The following GMIP variants were observed in gnomAD, a reference collection of about 807,000 sequenced individuals.
GMIP encodes the protein GEM-interacting protein.
GMIP carries 54 observed loss-of-function variants against 105.3 expected under a neutral mutation model. The ratio of observed to expected loss-of-function variants is 0.51; its 90% CI spans 0.41 to 0.64. The LOEUF is 0.64. GMIP is among the 30% of genes least tolerant of loss of function. The pLI is 0.00. For synonymous variants in GMIP, 541 were observed against 560.8 expected, an observed-to-expected ratio of 0.96 and a Z score of 0.50; for missense variants, 1,110 against 1,319.4, an observed-to-expected ratio of 0.84 and a Z score of 2.46.
In GMIP at chr19:19,638,000, GCTGCCGCGCGTTGGC is replaced by G. The variant is rs2061874092; in HGVS notation, c.832_846del (p.Ala278_Gln282del). ...CGCTGCTTGGCGATCTCCAGGTCCT[GCTGCCGCGCGTTGGC>G]CTCGCGGACACAGGCCTGGTACAGC... On this transcript the variant is annotated inframe_deletion, in exon 10 of 21. Transcript: ENST00000203556. The surrounding 1 kb of genome is among the most constrained non-coding windows in gnomAD (Gnocchi z 6.7). 1 of 1,610,106 alleles carries G rather than the reference GCTGCCGCGCGTTGGC, an allele frequency of 6.2e-7. No homozygotes were observed. Among genetic ancestry groups the G allele is most frequent in the Non-Finnish European group, 8.5e-7 (1 of 1,178,890 alleles).
chr19:19,636,868 G>A, intron 12 of GMIP, 49 bp downstream of exon 12: 1 of 1,557,184 alleles, frequency 6.4e-7, no homozygotes, highest in Non-Finnish European at 8.8e-7. Context: ...CTATGTGTTG[G>A]TGGAACGAAC....
In GMIP at chr19:19,637,386, T is replaced by C; in HGVS notation, c.1103A>G (p.Glu368Gly). ...PPPPPAFSFQ[E>G]FLPSLNSSPL... ...CCACCTGTTCAAGGAGGGAAGGAAC[T>C]CCTGGAAGGAGAAGGCGGGCGGCGG... The change falls in exon 11 of 21, where the codon GAG becomes GGG. Residue 368 changes from glutamate (E) to glycine (G), a missense_variant. Physicochemically the swap from Glu to Gly is moderately conservative, Grantham distance 98. Transcript: ENST00000203556. The surrounding 1 kb of genome is among the most constrained non-coding windows in gnomAD (Gnocchi z 6.7). 6.6e-7 allele frequency: 1 copy of C among 1,507,574 alleles called. No individual in the cohort carries two copies. Among genetic ancestry groups the C allele is most frequent in the African/African-American group, 1.4e-5 (1 of 69,564 alleles). The allele number at this position is 1,507,574 out of a possible 1,614,324, so 93.4% of individuals were successfully genotyped here.
Position 19,643,497 on chromosome 19 carries a change from C to A in GMIP, c.19+14G>T, listed in dbSNP as rs1016846639. On this transcript the variant is annotated intron_variant, in intron 1 of 20. Transcript: ENST00000203556. ...TGGTCGGGGGAGGCCCCTCCCGGAT[C>A]CCCGACCCCCTACCCGGCTCTGCTG... 5 of 1,546,022 alleles carry A rather than the reference C, an allele frequency of 3.2e-6. No homozygotes were observed. The highest frequency in any genetic ancestry group is 1.2e-5 in the South Asian group (1 of 83,680).
In GMIP at chr19:19,630,317, C is replaced by T; in HGVS notation, c.2559G>A (p.Glu853=). ...GAGACTGTGTCCCCAGGAGTGAGTC[C>T]TCTGGGCCTTGGCTGGACACTGTGT... ...GGGEVSSQGP[E]DSLLGTQSRG... is the part of the protein sequence containing the mutation. The change falls in exon 21 of 21, where the codon GAG becomes GAA. Residue 853 remains glutamate (E), a synonymous_variant. Coordinates refer to ENST00000203556, the MANE Select transcript of GMIP (RefSeq NM_016573.4). The surrounding 1 kb of genome is among the most constrained non-coding windows in gnomAD (Gnocchi z 4.8). The T allele has an allele frequency of 6.5e-7, 1 of 1,540,202 alleles. No homozygotes were observed. Among genetic ancestry groups the T allele is most frequent in the Non-Finnish European group, 8.8e-7 (1 of 1,142,600 alleles).
intron 19 of GMIP, 134 bp downstream of exon 19, chr19:19,633,669 T>A: frequency 1.6e-6 from 1 of 623,280 alleles, no homozygotes; most frequent in Non-Finnish European, 2.5e-6. Context: ...CCTTCCAGAA[T>A]GAACATAAGT....
Position 19,634,030 on chromosome 19 carries a change from G to A in GMIP, c.2245C>T (p.Leu749Phe), listed in dbSNP as rs769584795. ...SGHQAQLVEF[L>F]IVHYEQIFGM... The stretch of plus-strand genomic sequence containing the variant: ...AAGATCTGCTCGTAGTGCACGATGA[G>A]GAACTCCACAAGCTGGGCCTGATGC... Residue 749 changes from leucine to phenylalanine, a missense_variant, in exon 19 of 21, where the codon CTC becomes TTC. Leu to Phe is a conservative substitution (Grantham distance 22). Coordinates refer to ENST00000203556, the MANE Select transcript of GMIP (RefSeq NM_016573.4). This position sits in a 1 kb window ranked among gnomAD's most constrained non-coding sequence, Gnocchi z 6.1. 78 of 1,613,350 alleles carry A rather than the reference G, an allele frequency of 4.8e-5. No individual in the cohort carries two copies. The highest frequency in any genetic ancestry group is 6.4e-5 in the Non-Finnish European group (75 of 1,179,698).
In GMIP at chr19:19,634,128, G is replaced by A. The variant is rs1346061091; in HGVS notation, c.2147C>T (p.Pro716Leu). The A allele has an allele frequency of 6.2e-7, 1 of 1,611,890 alleles. No homozygotes were observed. Among genetic ancestry groups the A allele is most frequent in the South Asian group, 1.1e-5 (1 of 90,946 alleles). Residue 716 changes from proline (P) to leucine (L), a missense_variant, in exon 19 of 21, where the codon CCG becomes CTG. Around this residue, in one of 3 missense-constraint regions of GMIP, gnomAD observed 394 missense variants for 450.5 expected, o/e 0.87. Transcript: ENST00000203556. The surrounding 1 kb of genome is among the most constrained non-coding windows in gnomAD (Gnocchi z 6.1). ...SANNLGIVFG[P>L]TLLRPPDGPR... ...GCCGTCCGGCGGCCGCAGCAGTGTC[G>A]GCCCAAACACAATGCCCAGGTTGTT...
chr19:19,631,904 C>T (rs923205048), intron 19 of GMIP, among the ~76,000 whole-genome samples: 7 of 151,212 alleles, frequency 4.6e-5, no homozygotes, highest in East Asian at 1.9e-4. Flanking sequence ...AGGAGAATGA[C>T]GTGAACCTGG....
At chr19:19,639,600 C>G (rs947422584) in intron 7 of GMIP, among the ~76,000 whole-genome samples, 46 of 151,764 alleles carry the variant, frequency 3.0e-4, no homozygotes, top group African/African-American at 1.1e-3. Flanking sequence ...TGTAATCCCA[C>G]CACTTTGGGA....
In GMIP at chr19:19,635,348, G is replaced by T. The variant is rs2061842333; in HGVS notation, c.1560+67C>A. On this transcript the variant is annotated intron_variant, in intron 15 of 20. Transcript: ENST00000203556. This position sits in a 1 kb window ranked among gnomAD's most constrained non-coding sequence, Gnocchi z 4.7. ...GGGTCCCAGGGGCAGAAAGGCTGTA[G>T]GAATCTCAGGTCAGGGAGATGATCA... The T allele has an allele frequency of 6.4e-7, 1 of 1,570,110 alleles. No individual in the cohort carries two copies. Among genetic ancestry groups the T allele is most frequent in the Non-Finnish European group, 8.7e-7 (1 of 1,151,366 alleles).
Position 19,643,647 on chromosome 19 carries a change from C to T in GMIP, c.-118G>A. 2.3e-6 allele frequency: 2 copies of T among 864,372 alleles called. No homozygotes were observed. The highest frequency in any genetic ancestry group is 3.4e-6 in the Non-Finnish European group (2 of 584,094). 53.5% of individuals were successfully genotyped at this position (864,372 alleles called of 1,614,324 possible). On this transcript the variant is annotated 5_prime_UTR_variant, in exon 1 of 21. Transcript: ENST00000203556. ...CCGCCGCCGCCTCGGTTCCGCGTCGCCCTGCCCAGCGGAGGCCACGCCCCC... is the reference window on the plus strand; with the variant it reads ...CCGCCGCCGCCTCGGTTCCGCGTCGTCCTGCCCAGCGGAGGCCACGCCCCC...
chr19:19,633,699 G>T, intron 19 of GMIP, 104 bp downstream of exon 19: 1 of 826,478 alleles, frequency 1.2e-6, no homozygotes, highest in Non-Finnish European at 1.7e-6. Flanking sequence ...AAGGGAGGAA[G>T]AGAATGAAGG....
chr19:19,630,566 C>T lies in GMIP; in HGVS notation c.2473-29G>A. 3 of 1,578,182 alleles carry T rather than the reference C, an allele frequency of 1.9e-6. No homozygotes were observed. Among genetic ancestry groups the T allele is most frequent in the Non-Finnish European group, 2.6e-6 (3 of 1,147,474 alleles). On this transcript the variant is annotated intron_variant, in intron 19 of 20. Coordinates refer to ENST00000203556, the MANE Select transcript of GMIP (RefSeq NM_016573.4). The surrounding 1 kb of genome is among the most constrained non-coding windows in gnomAD (Gnocchi z 4.8). ...CAGGGAGAAACCCAAGAATGAGACCCCAACACTAAAATCCCAGTTCTTTGA... is the reference window on the plus strand; with the variant it reads ...CAGGGAGAAACCCAAGAATGAGACCTCAACACTAAAATCCCAGTTCTTTGA...
intron 7 of GMIP, 103 bp downstream of exon 7, chr19:19,639,982 A>C: frequency 3.0e-6 from 2 of 657,632 alleles, no homozygotes; most frequent in Non-Finnish European, 5.5e-6. Flanking sequence ...CGACGTTGGT[A>C]GTGGTGCCTT....
chr19:19,640,343 T>C lies in GMIP; in HGVS notation c.382A>G (p.Ser128Gly). 6.2e-7 allele frequency: 1 copy of C among 1,613,948 alleles called. No homozygotes were observed. The highest frequency in any genetic ancestry group is 8.5e-7 in the Non-Finnish European group (1 of 1,179,994). The change falls in exon 6 of 21, where the codon AGC becomes GGC. Residue 128 changes from serine (S) to glycine (G), a missense_variant. This residue lies in a region of GMIP where 667 missense variants were observed against 773.2 expected (regional missense o/e 0.86). Transcript: ENST00000203556. ...CCAGCTTCAGCGATCTTCATGGTGC[T>C]CTTAGCAAACTCCAGCTCTGGGGGA... The part of the protein sequence containing the change: ...RASYELEFAK[S>G]TMKIAEAGKV...
Position 19,638,189 on chromosome 19 carries a change from C to T in GMIP, c.759G>A (p.Arg253=). 6.3e-7 allele frequency: 1 copy of T among 1,591,238 alleles called. No individual in the cohort carries two copies. The highest frequency in any genetic ancestry group is 8.5e-7 in the Non-Finnish European group (1 of 1,176,216). ...CCTGGGCCTCCTCTCGCGAGCGCCGCCGCCGCTCCTGCTGCTTGCTAGGTC... is the reference window on the plus strand; with the variant it reads ...CCTGGGCCTCCTCTCGCGAGCGCCGTCGCCGCTCCTGCTGCTTGCTAGGTC... ...SPGPSKQQER[R]RRSREEAQAK... The change falls in exon 9 of 21, where the codon CGG becomes CGA. Residue 253 remains arginine (R), a synonymous_variant. Transcript: ENST00000203556.
chr19:19,640,692 T>C lies in GMIP; in HGVS notation c.239-121A>G, dbSNP rs375314826. ...AGCCTCACAGCTCCCCAAACACTACTTTGGGATCACTTGTCCTGGTTGCAA... is the reference window on the plus strand; with the variant it reads ...AGCCTCACAGCTCCCCAAACACTACCTTGGGATCACTTGTCCTGGTTGCAA... On this transcript the variant is annotated intron_variant, in intron 4 of 20. Transcript: ENST00000203556. The C allele has an allele frequency of 2.7e-4, 246 of 898,224 alleles. 1 individual carries two copies. The African/African-American group carries it at 3.6e-3, about 13-fold the overall frequency. 55.6% of individuals were successfully genotyped at this position (898,224 alleles called of 1,614,324 possible). A position where few individuals can be genotyped will look rare whatever the true frequency, so the allele number is the denominator to read the frequency against.
Position 19,637,448 on chromosome 19 carries a change from C to T in GMIP, c.1041G>A (p.Glu347=). 6.6e-7 allele frequency: 1 copy of T among 1,525,606 alleles called. No individual in the cohort carries two copies. The allele number at this position is 1,525,606 out of a possible 1,614,324, so 94.5% of individuals were successfully genotyped here. Residue 347 remains glutamate (E), a synonymous_variant, in exon 11 of 21, where the codon GAG becomes GAA. Coordinates refer to ENST00000203556, the MANE Select transcript of GMIP (RefSeq NM_016573.4). The surrounding 1 kb of genome is among the most constrained non-coding windows in gnomAD (Gnocchi z 6.7). ...CCTCGGGCCGCAGCGCCCGTACAAA[C>T]TCCTGGTAGCGCTGGCCCGGCTCAA... The part of the protein sequence containing the change: ...APFEPGQRYQ[E]FVRALRPEAP...
rs1484018589 is a variant in GMIP at position 19,633,939 on chromosome 19, G to T, written c.2336C>A (p.Pro779His). 6.4e-7 allele frequency: 1 copy of T among 1,565,992 alleles called. No individual in the cohort carries two copies. The highest frequency in any genetic ancestry group is 1.4e-5 in the African/African-American group (1 of 73,394). ...PPQDSSPAPGPLTTSSQPPPP... is the reference protein window; with the variant it reads ...PPQDSSPAPGHLTTSSQPPPP... ...TGGCGGTTGGGAGCTGGTTGTGAGG[G>T]GCCCAGGGGCTGGGCTGGAGTCTTG... Residue 779 changes from proline to histidine, a missense_variant, in exon 19 of 21, where the codon CCC becomes CAC. Pro to His is a moderately conservative substitution (Grantham distance 77). Transcript: ENST00000203556.
Sources: allele counts gnomAD v4.1 joint callset (sites outside exome capture counted in the v4.1 genomes callset), GRCh38; gene constraint gnomAD v4.1.1; regional missense constraint gnomAD v4.1.1; non-coding constraint Gnocchi (gnomAD v3.1); transcripts MANE v1.5; gene names NCBI Gene and HGNC (gene_info 2026-07-23, HGNC 2026-07-21).